Variants in CYP2U1 observed in about 807,000 individuals in gnomAD.
CYP2U1 encodes the protein cytochrome P450 2U1.
In CYP2U1, 28 loss-of-function variants were observed where a neutral mutation model predicts 42.8. The ratio of observed to expected loss-of-function variants is 0.65; its 90% CI spans 0.48 to 0.90. CYP2U1 has a LOEUF of 0.90. Among genes scored for constraint, CYP2U1 ranks in the 40% least tolerant of loss-of-function variants. The pLI, the probability that CYP2U1 is intolerant of heterozygous loss-of-function variation, is 0.00. For missense variants in CYP2U1, 642 were observed against 693.8 expected, an observed-to-expected ratio of 0.93 and a Z score of 0.84; for synonymous variants, 296 against 278.9, an observed-to-expected ratio of 1.06 and a Z score of -0.61.
At chr4:107,933,016 A>C (rs1421689906) in intron 1 of CYP2U1, among the ~76,000 whole-genome samples, 1 of 152,236 alleles carries the variant, frequency 6.6e-6, no homozygotes, top group African/African-American at 2.4e-5. Flanking sequence ...TTGCTGTCTG[A>C]AACATAGTAG....
chr4:107,949,328 C>G, intron 3 of CYP2U1, 22 bp from the exon 4 acceptor site: 5 of 1,480,730 alleles, frequency 3.4e-6, no homozygotes, highest in Non-Finnish European at 4.5e-6. Context: ...GAATAACACC[C>G]ATATGTTTCC....
intron 1 of CYP2U1, 115 bp downstream of exon 1, chr4:107,932,248 C>A (rs1733031936): frequency 6.9e-7 from 1 of 1,440,272 alleles, no homozygotes; most frequent in East Asian, 2.5e-5. Flanking sequence ...GGCTGCCTCA[C>A]ACCTGCATCC....
At position 107,950,463 on chromosome 4, in the gene CYP2U1, T is replaced by A; in HGVS notation, c.*40T>A. On this transcript the variant is annotated 3_prime_UTR_variant, in exon 5 of 5. Transcript: ENST00000332884. ...AAGAGATGGTAAAAAGATATATAAA[T>A]ACATATCCTTCTAAGCAGATTCTTC... 6.4e-7 allele frequency: 1 copy of A among 1,557,582 alleles called. No individual in the cohort carries two copies. The highest frequency in any genetic ancestry group is 8.7e-7 in the Non-Finnish European group (1 of 1,155,060).
chr4:107,936,949 T>A (rs540893051), intron 1 of CYP2U1, among the ~76,000 whole-genome samples: 1 of 152,276 alleles, frequency 6.6e-6, no homozygotes, highest in East Asian at 1.9e-4. Flanking sequence ...TTGATAAAAA[T>A]TAGGTAAATT....
intron 3 of CYP2U1, among the ~76,000 whole-genome samples, chr4:107,948,830 T>C (rs1733807546): frequency 1.3e-5 from 2 of 152,170 alleles, no homozygotes; most frequent in African/African-American, 4.8e-5. Flanking sequence ...TAACGGGTTT[T>C]TTTTGGTACA....
At chr4:107,936,957 A>G (rs943789226) in intron 1 of CYP2U1, among the ~76,000 whole-genome samples, 7 of 152,176 alleles carry the variant, frequency 4.6e-5, no homozygotes, top group Non-Finnish European at 8.8e-5. Flanking sequence ...AATTAGGTAA[A>G]TTTTGCATTT....
chr4:107,937,263 T>C (rs1733304777), intron 1 of CYP2U1: 1 of 152,142 alleles, frequency 6.6e-6, no homozygotes, highest in Admixed American at 6.5e-5. Context: ...ATCTGGGGAA[T>C]TTGAAAATGA....
At position 107,951,444 on chromosome 4, in the gene CYP2U1, G is replaced by T. The variant is rs1230958262; in HGVS notation, c.*1021G>T. On this transcript the variant is annotated 3_prime_UTR_variant, in exon 5 of 5. Coordinates refer to ENST00000332884, the MANE Select transcript of CYP2U1 (RefSeq NM_183075.3). ...AGAATTCACTCTCTTTTTATTAAGA[G>T]AACTAAATTGTTTCTAAATGTAGAT... The T allele has an allele frequency of 1.3e-5, 2 of 152,174 alleles. No homozygotes were observed. The highest frequency in any genetic ancestry group is 2.9e-5 in the Non-Finnish European group (2 of 68,034). The allele number at this position is 152,174 out of a possible 1,614,324, so 9.4% of individuals were successfully genotyped here.
chr4:107,946,511 A>G (rs1733701414), intron 2 of CYP2U1, among the ~76,000 whole-genome samples: 1 of 151,724 alleles, frequency 6.6e-6, no homozygotes, highest in South Asian at 2.1e-4. Context: ...ACTCCAGGGG[A>G]TTAGGGTGTG....
At position 107,950,387 on chromosome 4, in the gene CYP2U1, C is replaced by T. The variant is rs1211867214; in HGVS notation, c.1599C>T (p.Ala533=). The T allele has an allele frequency of 1.8e-5, 29 of 1,611,946 alleles. No individual in the cohort carries two copies. Among genetic ancestry groups the T allele is most frequent in the Non-Finnish European group, 2.5e-5 (29 of 1,179,546 alleles). The change falls in exon 5 of 5, where the codon GCC becomes GCT. Residue 533 remains alanine, a synonymous_variant. Coordinates refer to ENST00000332884, the MANE Select transcript of CYP2U1 (RefSeq NM_183075.3). ...LLTGRFGLTL[A]PHPFNITISR... ...CTGGAAGATTTGGTCTAACTTTAGC[C>T]CCACATCCATTTAATATAACTATTT...
rs1381433335 is a variant in CYP2U1 at position 107,951,125 on chromosome 4, T to A, written c.*702T>A. On this transcript the variant is annotated 3_prime_UTR_variant, in exon 5 of 5. Coordinates refer to ENST00000332884, the MANE Select transcript of CYP2U1 (RefSeq NM_183075.3). The stretch of plus-strand genomic sequence containing the variant: ...TTGAGGAAAAAAGAAATTATAATTT[T>A]AAAAAATCCCTTGTAGGATTATTAT... The A allele has an allele frequency of 1.3e-5, 2 of 152,200 alleles. No individual in the cohort carries two copies. Among genetic ancestry groups the A allele is most frequent in the Non-Finnish European group, 2.9e-5 (2 of 68,034 alleles). The allele number at this position is 152,200 out of a possible 1,614,324, so 9.4% of individuals were successfully genotyped here.
intron 1 of CYP2U1, among the ~76,000 whole-genome samples, chr4:107,944,312 C>CT (rs1733602242): frequency 6.6e-6 from 1 of 151,726 alleles, no homozygotes; most frequent in African/African-American, 2.4e-5. Flanking sequence ...TCTTTTTCTT[C>CT]TTTTTTTAGA....
rs1295155789 is a variant in CYP2U1 at position 107,953,379 on chromosome 4, G to T, written c.*2956G>T. 1 of 152,086 alleles carries T rather than the reference G, an allele frequency of 6.6e-6. No individual in the cohort carries two copies. Among genetic ancestry groups the T allele is most frequent in the Non-Finnish European group, 1.5e-5 (1 of 67,998 alleles). 9.4% of individuals were successfully genotyped at this position (152,086 alleles called of 1,614,324 possible). A position where few individuals can be genotyped will look rare whatever the true frequency, so the allele number is the denominator to read the frequency against. ...TGAAATCAAAAAATAACTATACTTT[G>T]TTTTATAAGTCTACCTAATATCTCA... On this transcript the variant is annotated 3_prime_UTR_variant, in exon 5 of 5. Coordinates refer to ENST00000332884, the MANE Select transcript of CYP2U1 (RefSeq NM_183075.3).
intron 1 of CYP2U1, among the ~76,000 whole-genome samples, chr4:107,933,139 C>G (rs1022595596): frequency 6.6e-6 from 1 of 152,124 alleles, no homozygotes; most frequent in East Asian, 1.9e-4. Flanking sequence ...GGATTTTAAA[C>G]GGAAAAGACA....
At position 107,949,437 on chromosome 4, in the gene CYP2U1, C is replaced by T. The variant is rs747965749; in HGVS notation, c.1376C>T (p.Pro459Leu). Residue 459 changes from proline to leucine, a missense_variant, in exon 4 of 5, where the codon CCG (proline) becomes CTG (leucine). Transcript: ENST00000332884. ...AGAGACCCAGCCATTTGGGAGAAACCGGAGGATTTCTACCCTAATCGATTT... is the reference window on the plus strand; with the variant it reads ...AGAGACCCAGCCATTTGGGAGAAACTGGAGGATTTCTACCCTAATCGATTT... The part of the protein sequence containing the change: ...VHRDPAIWEK[P>L]EDFYPNRFLD... The T allele has an allele frequency of 6.6e-5, 106 of 1,611,180 alleles. No individual in the cohort carries two copies. The highest frequency in any genetic ancestry group is 8.7e-5 in the Non-Finnish European group (102 of 1,178,482).
Position 107,950,567 on chromosome 4 carries a change from T to G in CYP2U1, c.*144T>G, listed in dbSNP as rs536290976. 16 of 773,724 alleles carry G rather than the reference T, an allele frequency of 2.1e-5. No individual in the cohort carries two copies. Among genetic ancestry groups the G allele is most frequent in the Admixed American group, 3.5e-5 (1 of 28,328 alleles). The allele number at this position is 773,724 out of a possible 1,614,324, so 47.9% of individuals were successfully genotyped here. On this transcript the variant is annotated 3_prime_UTR_variant, in exon 5 of 5. Transcript: ENST00000332884. The stretch of plus-strand genomic sequence containing the variant: ...AGGTCGGAAGGAGGGTAGAGCACAC[T>G]GGGAGGTTTCATCTTGGAGGATTCC...
chr4:107,931,632 G>A lies in CYP2U1; in HGVS notation c.-12G>A. 1.6e-6 allele frequency: 2 copies of A among 1,251,670 alleles called. No homozygotes were observed. The highest frequency in any genetic ancestry group is 3.1e-4 in the Middle Eastern group (1 of 3,224). 77.5% of individuals were successfully genotyped at this position (1,251,670 alleles called of 1,614,324 possible). On this transcript the variant is annotated 5_prime_UTR_variant, in exon 1 of 5. Transcript: ENST00000332884. ...GCAGCAAGGGGAACCCGAGGCCGCC[G>A]GCGCCCGGACCATGTCGTCTCCGGG...
chr4:107,947,544 C>T lies in CYP2U1; in HGVS notation c.1288+7C>T. Reference sequence around the variant, plus strand: ...ATGACCTCAGAGAACACAGGCAAGTCCAGGGTCTTCCTCTTTGAATGCCCT... The same window carrying T: ...ATGACCTCAGAGAACACAGGCAAGTTCAGGGTCTTCCTCTTTGAATGCCCT... On this transcript the variant is annotated splice_region_variant and intron_variant, in intron 3 of 4. Coordinates refer to ENST00000332884, the MANE Select transcript of CYP2U1 (RefSeq NM_183075.3). The T allele has an allele frequency of 6.2e-7, 1 of 1,613,718 alleles. No individual in the cohort carries two copies. Among genetic ancestry groups the T allele is most frequent in the Non-Finnish European group, 8.5e-7 (1 of 1,179,816 alleles).
In CYP2U1 at chr4:107,933,814, G is replaced by A. The variant is rs1446891089; in HGVS notation, c.490+1681G>A. Among the ~76,000 whole-genome samples the A allele has an allele frequency of 2.0e-5, 3 of 152,158 alleles. No individual in the cohort carries two copies. In the East Asian group the frequency reaches 5.8e-4, roughly 29 times the overall value. On this transcript the variant is annotated intron_variant, in intron 1 of 4. Coordinates refer to ENST00000332884, the MANE Select transcript of CYP2U1 (RefSeq NM_183075.3). The stretch of plus-strand genomic sequence containing the variant: ...ATGCTTTGTAAATAGTTGTTATACA[G>A]TATTGTTTAAGGAATGACAAGAAAA...
Sources: gnomAD v4.1 joint callset for allele counts (sites outside exome capture counted in the v4.1 genomes callset) on GRCh38, gnomAD v4.1.1 for gene constraint, MANE v1.5 for transcripts, NCBI Gene and HGNC (gene_info 2026-07-23, HGNC 2026-07-21) for gene names.